Variants in MEGF9 observed in about 807,000 individuals in gnomAD.
MEGF9 encodes the protein multiple epidermal growth factor-like domains protein 9.
A neutral mutation model predicts 46.8 loss-of-function variants in MEGF9; 6 were observed. That is an observed-to-expected ratio of 0.13 (90% confidence interval 0.07 to 0.25). MEGF9 has a LOEUF of 0.25. Ranked by LOEUF, MEGF9 falls within the 10% of genes least tolerant of loss-of-function variation. The probability of loss-of-function intolerance (pLI) is 1.00; values close to 1 mark genes in which losing one functional copy is unlikely to be tolerated. For synonymous variants in MEGF9, 302 were observed against 330.7 expected (o/e 0.91, Z 0.94); for missense variants, 683 against 792.4 (o/e 0.86, Z 1.66).
At chr9:120,700,831 C>T (rs559118301) in intron 1 of MEGF9, among the ~76,000 whole-genome samples, 2 of 151,942 alleles carry the variant, frequency 1.3e-5, no homozygotes, top group Admixed American at 1.3e-4. Flanking sequence ...CCTGTAAACT[C>T]AACACTTGGG....
At chr9:120,678,126 T>C (rs1374184558) in intron 1 of MEGF9, among the ~76,000 whole-genome samples, 1 of 152,242 alleles carries the variant, frequency 6.6e-6, no homozygotes, top group Non-Finnish European at 1.5e-5. Flanking sequence ...CAGGATCTTA[T>C]TCTGTTTTAT....
chr9:120,649,381 C>T (rs763844343), intron 2 of MEGF9, among the ~76,000 whole-genome samples: 2 of 152,138 alleles, frequency 1.3e-5, no homozygotes, highest in Non-Finnish European at 2.9e-5. Flanking sequence ...CTCCCCATGT[C>T]GGTCTAGGTT....
intron 1 of MEGF9, among the ~76,000 whole-genome samples, chr9:120,682,572 TAC>T (rs34220125): frequency 3.3e-5 from 5 of 150,306 alleles, no homozygotes; most frequent in Non-Finnish European, 4.4e-5. Flanking sequence ...AACCAATTCT[TAC>T]ACACACACAC....
intron 2 of MEGF9, among the ~76,000 whole-genome samples, chr9:120,636,338 C>A (rs920960262): frequency 6.6e-6 from 1 of 152,106 alleles, no homozygotes; most frequent in African/African-American, 2.4e-5. Context: ...GACTCTGTTT[C>A]CAATTGGGTG....
chr9:120,665,213 T>C (rs542813908), intron 1 of MEGF9, among the ~76,000 whole-genome samples: 10 of 23,366 alleles, frequency 4.3e-4, no homozygotes, highest in Middle Eastern at 0.028. Flanking sequence ...ATTCTACTCT[T>C]TTTTTTTTTT....
chr9:120,646,563 C>T (rs561072407), intron 2 of MEGF9, among the ~76,000 whole-genome samples: 1 of 152,308 alleles, frequency 6.6e-6, no homozygotes, highest in Non-Finnish European at 1.5e-5. Flanking sequence ...AAGCTACCTC[C>T]TCAATGAATT....
rs2043659769 is a variant in MEGF9 at position 120,652,854 on chromosome 9, TCTAA to T, written c.803+6516_803+6519del. Reference sequence around the variant, plus strand: ...CAAGCACTAGATCTTTATTCTTCTATCTAACTGTATTTTTGTACTAATTATCAGA... The same window carrying T: ...CAAGCACTAGATCTTTATTCTTCTATCTGTATTTTTGTACTAATTATCAGA... On this transcript the variant is annotated intron_variant, in intron 2 of 5. Transcript: ENST00000373930. Among the ~76,000 whole-genome samples the T allele has an allele frequency of 2.0e-5, 3 of 151,950 alleles. No individual in the cohort carries two copies. The South Asian group carries it at 6.2e-4, about 31-fold the overall frequency.
intron 3 of MEGF9, among the ~76,000 whole-genome samples, chr9:120,617,565 T>A (rs940411940): frequency 2.6e-5 from 4 of 152,094 alleles, no homozygotes; most frequent in African/African-American, 9.7e-5. Flanking sequence ...CATAGAGAGA[T>A]GTTTGAATTT....
Position 120,612,389 on chromosome 9 carries a change from G to A in MEGF9, c.1087+7C>T, listed in dbSNP as rs201609960. Reference sequence around the variant, plus strand: ...CTCTAAAATGAAAAGTTAGAGAAAGGCCTTACTTATAGAGCAGCTGCCTGT... The same window carrying A: ...CTCTAAAATGAAAAGTTAGAGAAAGACCTTACTTATAGAGCAGCTGCCTGT... On this transcript the variant is annotated splice_region_variant and intron_variant, in intron 4 of 5. Coordinates refer to ENST00000373930, the MANE Select transcript of MEGF9 (RefSeq NM_001080497.3). The A allele has an allele frequency of 1.7e-5, 28 of 1,600,424 alleles. No homozygotes were observed. Among genetic ancestry groups the A allele is most frequent in the African/African-American group, 4.1e-5 (3 of 73,878 alleles).
intron 2 of MEGF9, among the ~76,000 whole-genome samples, chr9:120,628,105 G>C (rs1482388366): frequency 1.3e-5 from 2 of 151,948 alleles, no homozygotes; most frequent in African/African-American, 2.4e-5. Flanking sequence ...GCTAGAAAAA[G>C]TTTTTCCAAC....
At chr9:120,652,400 C>T (rs2043656717) in intron 2 of MEGF9, among the ~76,000 whole-genome samples, 1 of 146,020 alleles carries the variant, frequency 6.8e-6, no homozygotes, top group Non-Finnish European at 1.5e-5. Context: ...TCCATTGAGC[C>T]CAGGAGGTTG....
intron 2 of MEGF9, among the ~76,000 whole-genome samples, chr9:120,638,470 T>C (rs1564417872): frequency 6.6e-6 from 1 of 152,228 alleles, no homozygotes; most frequent in Non-Finnish European, 1.5e-5. Flanking sequence ...GGTTGAAGCC[T>C]AAGTCCTTTA....
intron 1 of MEGF9, among the ~76,000 whole-genome samples, chr9:120,671,614 T>C (rs1428668708): frequency 6.6e-6 from 1 of 152,232 alleles, no homozygotes; most frequent in African/African-American, 2.4e-5. Context: ...ATAGAATTTA[T>C]AGTTTAAAAC....
At chr9:120,684,818 T>C (rs899785301) in intron 1 of MEGF9, among the ~76,000 whole-genome samples, 3 of 152,116 alleles carry the variant, frequency 2.0e-5, no homozygotes, top group African/African-American at 4.8e-5. Flanking sequence ...CTAAAACAGA[T>C]TGGAGGCTTC....
Position 120,607,955 on chromosome 9 carries a change from C to A in MEGF9, c.1143G>T (p.Pro381=), listed in dbSNP as rs756170324. ...CDQCKDGYIG[P]NCNKCENGYY... is the part of the protein sequence containing the mutation. ...AGCCATTTTCACATTTATTGCAGTT[C>A]GGGCCTATGTAACCATCTTTACACT... The change falls in exon 5 of 6, where the codon CCG becomes CCT. Residue 381 remains proline, a synonymous_variant. Coordinates refer to ENST00000373930, the MANE Select transcript of MEGF9 (RefSeq NM_001080497.3). The A allele has an allele frequency of 1.9e-6, 3 of 1,613,824 alleles. No homozygotes were observed. The highest frequency in any genetic ancestry group is 1.3e-5 in the African/African-American group (1 of 74,914).
intron 1 of MEGF9, among the ~76,000 whole-genome samples, chr9:120,698,015 T>C (rs2043886243): frequency 6.6e-6 from 1 of 152,212 alleles, no homozygotes; most frequent in Non-Finnish European, 1.5e-5. Context: ...GGGCTAGTTT[T>C]GAATTCCAGG....
chr9:120,671,207 C>A (rs893473710), intron 1 of MEGF9, among the ~76,000 whole-genome samples: 1 of 152,156 alleles, frequency 6.6e-6, no homozygotes, highest in Non-Finnish European at 1.5e-5. Flanking sequence ...ATGATCAAGT[C>A]CTCTCCTTAT....
rs1587971330 is a variant in MEGF9 at position 120,607,598 on chromosome 9, G to A, written c.1357+143C>T. ...GGAGTGTCAGAAGAGCAGCAGGAAT[G>A]GAAGGAAACCTCTTTAGGCAAATAT... On this transcript the variant is annotated intron_variant, in intron 5 of 5. Transcript: ENST00000373930. The A allele has an allele frequency of 5.9e-6, 5 of 852,182 alleles. No individual in the cohort carries two copies. The East Asian group carries it at 1.3e-4, about 22-fold the overall frequency. The allele number at this position is 852,182 out of a possible 1,614,324, so 52.8% of individuals were successfully genotyped here. A position where few individuals can be genotyped will look rare whatever the true frequency, so the allele number is the denominator to read the frequency against.
chr9:120,704,112 T>C (rs751642099), intron 1 of MEGF9, among the ~76,000 whole-genome samples: 3 of 152,052 alleles, frequency 2.0e-5, no homozygotes, highest in Non-Finnish European at 4.4e-5. Context: ...GGCGGGCGGA[T>C]CACTTGAGGT....
Sources: gnomAD v4.1 joint callset for allele counts (sites outside exome capture counted in the v4.1 genomes callset) on GRCh38, gnomAD v4.1.1 for gene constraint, MANE v1.5 for transcripts, NCBI Gene and HGNC (gene_info 2026-07-23, HGNC 2026-07-21) for gene names.